The following SPPL3 variants were observed in gnomAD, a reference collection of about 807,000 sequenced individuals.
The protein encoded by SPPL3 is signal peptide peptidase like 3.
Under a neutral mutation model 42.4 loss-of-function variants are expected in SPPL3, and 5 were observed. That is an observed-to-expected ratio of 0.12 (90% CI 0.06 to 0.25). The LOEUF is 0.25. SPPL3 is among the 10% of genes least tolerant of loss of function. The pLI is 1.00. For synonymous variants in SPPL3, 195 were observed against 181.8 expected, an observed-to-expected ratio of 1.07 and a Z score of -0.58; for missense variants, 235 against 489.0, an observed-to-expected ratio of 0.48 and a Z score of 4.90.
intron 1 of SPPL3, among the ~76,000 whole-genome samples, chr12:120,885,683 C>A (rs1469774350): frequency 3.9e-5 from 6 of 151,980 alleles, no homozygotes; most frequent in Non-Finnish European, 8.8e-5. Flanking sequence ...GAGGCAATGA[C>A]CTACAACTAT....
chr12:120,764,777 G>A lies in SPPL3; in HGVS notation c.*222C>T, dbSNP rs760846862. ...GCTGGGGAGAGGCCTGTCCCTCTTG[G>A]AAGGGGCCCCACCTCTACATCCGCA... On this transcript the variant is annotated 3_prime_UTR_variant, in exon 11 of 11. Coordinates refer to ENST00000353487, the MANE Select transcript of SPPL3 (RefSeq NM_139015.5). The A allele has an allele frequency of 7.9e-6, 4 of 504,998 alleles. No individual in the cohort carries two copies. Among genetic ancestry groups the A allele is most frequent in the South Asian group, 7.7e-5 (2 of 25,942 alleles). 31.3% of individuals were successfully genotyped at this position (504,998 alleles called of 1,614,324 possible). A position where few individuals can be genotyped will look rare whatever the true frequency, so the allele number is the denominator to read the frequency against.
At chr12:120,811,968 T>TTTCCTTA (rs1310045121) in intron 1 of SPPL3, among the ~76,000 whole-genome samples, 1 of 152,070 alleles carries the variant, frequency 6.6e-6, no homozygotes, top group Non-Finnish European at 1.5e-5. Flanking sequence ...ACAGGGGAGC[T>TTTCCTTA]TTCCTTAGGG....
intron 1 of SPPL3, among the ~76,000 whole-genome samples, chr12:120,891,567 G>A (rs1011146735): frequency 4.6e-5 from 7 of 152,024 alleles, no homozygotes; most frequent in Non-Finnish European, 5.9e-5. Flanking sequence ...AAACAAAAGC[G>A]TAATACAAAG....
chr12:120,871,144 A>AAAAAAAAAAAAAAAAAAAAAAG (rs61249398), intron 1 of SPPL3, among the ~76,000 whole-genome samples: 9 of 142,196 alleles, frequency 6.3e-5, no homozygotes, highest in East Asian at 2.1e-4. Context: ...AAAAAAAAAA[A>AAAAAAAAAAAAAAAAAAAAAAG]AAAAAGAAAA....
At chr12:120,859,840 G>A (rs1872575637) in intron 1 of SPPL3, among the ~76,000 whole-genome samples, 2 of 152,286 alleles carry the variant, frequency 1.3e-5, no homozygotes, top group South Asian at 4.1e-4. Context: ...CTACTCGGGA[G>A]GCTGAGGCAG....
chr12:120,792,756 T>C (rs1319301767), intron 2 of SPPL3, among the ~76,000 whole-genome samples: 5 of 150,746 alleles, frequency 3.3e-5, no homozygotes, highest in African/African-American at 1.2e-4. Context: ...GTTATGATGG[T>C]CTTTATCTGC....
At chr12:120,825,086 C>T (rs1458039901) in intron 1 of SPPL3, among the ~76,000 whole-genome samples, 1 of 150,578 alleles carries the variant, frequency 6.6e-6, no homozygotes, top group Admixed American at 6.6e-5. Flanking sequence ...ATATTTATAA[C>T]ACAAATGGAA....
chr12:120,838,408 G>A (rs535041702), intron 1 of SPPL3, among the ~76,000 whole-genome samples: 5 of 152,232 alleles, frequency 3.3e-5, no homozygotes, highest in East Asian at 1.9e-4. Flanking sequence ...ATCCCAAACT[G>A]CGACCAAAAA....
intron 2 of SPPL3, among the ~76,000 whole-genome samples, chr12:120,809,815 T>C (rs879603487): frequency 5.9e-5 from 9 of 152,178 alleles, no homozygotes; most frequent in Non-Finnish European, 1.2e-4. Context: ...AGATGAACCA[T>C]ATGAAATTGT....
At chr12:120,892,444 C>T (rs142139733) in intron 1 of SPPL3, among the ~76,000 whole-genome samples, 10 of 152,054 alleles carry the variant, frequency 6.6e-5, no homozygotes, top group Admixed American at 5.9e-4. Flanking sequence ...TGCAGTCAGA[C>T]CTTGAAAAAT....
At chr12:120,858,319 G>A (rs1036620232) in intron 1 of SPPL3, among the ~76,000 whole-genome samples, 4 of 152,112 alleles carry the variant, frequency 2.6e-5, no homozygotes, top group Non-Finnish European at 5.9e-5. Context: ...ACTTAGCCAG[G>A]TGTGATGGCG....
intron 6 of SPPL3, among the ~76,000 whole-genome samples, chr12:120,774,359 CCTT>C (rs1157524269): frequency 6.6e-6 from 1 of 152,212 alleles, no homozygotes; most frequent in Non-Finnish European, 1.5e-5. Flanking sequence ...CACCAGGTTC[CCTT>C]CTCTATGACG....
chr12:120,831,589 G>T (rs1429027288), intron 1 of SPPL3, among the ~76,000 whole-genome samples: 1 of 152,162 alleles, frequency 6.6e-6, no homozygotes, highest in South Asian at 2.1e-4. Context: ...TCAGCCACTT[G>T]TATCTCTAAT....
chr12:120,827,394 C>T (rs1025867852), intron 1 of SPPL3, among the ~76,000 whole-genome samples: 7 of 150,626 alleles, frequency 4.6e-5, no homozygotes, highest in African/African-American at 1.7e-4. Flanking sequence ...AATAATAATA[C>T]TTTGGGGGCT....
intron 1 of SPPL3, among the ~76,000 whole-genome samples, chr12:120,866,833 GGACT>G (rs1872767388): frequency 6.6e-6 from 1 of 152,044 alleles, no homozygotes; most frequent in Non-Finnish European, 1.5e-5. Context: ...GACATCTTTG[GGACT>G]GACAGCATAA....
rs1309857704 is a variant in SPPL3, at chr12:120,764,483, TAATA to T, written c.*512_*515del. 2 of 164,146 alleles carry T rather than the reference TAATA, an allele frequency of 1.2e-5. No homozygotes were observed. Among genetic ancestry groups the T allele is most frequent in the Admixed American group, 6.4e-5 (1 of 15,580 alleles). The allele number at this position is 164,146 out of a possible 1,614,324, so 10.2% of individuals were successfully genotyped here. Reference sequence around the variant, plus strand: ...GTCACTTCACACCACAGAAAATATTTAATAAATCCAAAAAAAGGAAAGAAGAATA... The same window carrying T: ...GTCACTTCACACCACAGAAAATATTTAATCCAAAAAAAGGAAAGAAGAATA... On this transcript the variant is annotated 3_prime_UTR_variant, in exon 11 of 11. Coordinates refer to ENST00000353487, the MANE Select transcript of SPPL3 (RefSeq NM_139015.5).
intron 3 of SPPL3, 101 bp from the exon 4 acceptor site, chr12:120,784,694 G>A (rs1223323123): frequency 9.4e-6 from 8 of 848,516 alleles, no homozygotes; most frequent in Admixed American, 3.0e-5. Context: ...ACAGTTCTAC[G>A]GATTATACGT....
chr12:120,867,832 C>T (rs1027233469), intron 1 of SPPL3, among the ~76,000 whole-genome samples: 3 of 151,830 alleles, frequency 2.0e-5, no homozygotes, highest in Admixed American at 2.0e-4. Context: ...ACCGCAACCT[C>T]CACCTCCCGG....
intron 1 of SPPL3, among the ~76,000 whole-genome samples, chr12:120,899,766 G>A (rs774984206): frequency 6.6e-6 from 1 of 150,834 alleles, no homozygotes; most frequent in African/African-American, 2.4e-5. Context: ...GGTGGTACAC[G>A]CCTGTAATCC....
Sources: gnomAD v4.1 joint callset for allele counts (sites outside exome capture counted in the v4.1 genomes callset) on GRCh38, gnomAD v4.1.1 for gene constraint, MANE v1.5 for transcripts, NCBI Gene and HGNC (gene_info 2026-07-23, HGNC 2026-07-21) for gene names.